The following TK2 variants were observed in gnomAD, a reference collection of about 807,000 sequenced individuals.
TK2 encodes the protein thymidine kinase 2, also known as thymidine kinase 2, mitochondrial.
TK2 carries 35 observed loss-of-function variants against 41.9 expected under a neutral mutation model. The ratio of observed to expected loss-of-function variants is 0.84; its 90% CI spans 0.64 to 1.11. The LOEUF is 1.11. TK2 is among the 50% of genes least tolerant of loss of function. The pLI is 0.00. For synonymous variants in TK2, 128 were observed against 129.1 expected, an observed-to-expected ratio of 0.99 and a Z score of 0.06; for missense variants, 320 against 351.1, an observed-to-expected ratio of 0.91 and a Z score of 0.71.
At chr16:66,527,076 T>C (rs1964955411) in intron 6 of TK2, among the ~76,000 whole-genome samples, 1 of 152,174 alleles carries the variant, frequency 6.6e-6, no homozygotes, top group South Asian at 2.1e-4. Flanking sequence ...GCTGAGGTGC[T>C]AAGGAGCAGG....
rs749090377 is a variant in TK2 at position 66,513,814 on chromosome 16, G to A, written c.619-3C>T. 4.3e-6 allele frequency: 7 copies of A among 1,613,744 alleles called. No individual in the cohort carries two copies. Among genetic ancestry groups the A allele is most frequent in the Non-Finnish European group, 5.9e-6 (7 of 1,179,954 alleles). ...TGGTGAATTGCTTCCAGGTATTCCT[G>A]CCAGGGAAACACAAGCAGTCTGTCG... On this transcript the variant is annotated splice_polypyrimidine_tract_variant and splice_region_variant and intron_variant, in intron 8 of 9. Transcript: ENST00000544898.
intron 1 of TK2, chr16:66,549,727 T>G (rs1421566039): frequency 7.8e-7 from 1 of 1,278,190 alleles, no homozygotes; most frequent in Non-Finnish European, 9.8e-7. Flanking sequence ...CCTCTCTCCA[T>G]CCCAGAACCA....
chr16:66,518,959 TA>T (rs1252575532), intron 6 of TK2, among the ~76,000 whole-genome samples: 6 of 151,972 alleles, frequency 3.9e-5, no homozygotes, highest in Non-Finnish European at 7.4e-5. Context: ...AGTTTTTATT[TA>T]TTTTTTTTTT....
At chr16:66,549,640 A>C in intron 1 of TK2, 1 of 1,183,974 alleles carries the variant, frequency 8.4e-7, no homozygotes, top group Non-Finnish European at 1.0e-6. Context: ...GGTCGAAAGA[A>C]TCGGGACAGG....
chr16:66,517,075 G>A lies in TK2; in HGVS notation c.618+61C>T. 10 of 1,466,922 alleles carry A rather than the reference G, an allele frequency of 6.8e-6. No homozygotes were observed. The South Asian group carries it at 1.1e-4, about 17-fold the overall frequency. The allele number at this position is 1,466,922 out of a possible 1,614,324, so 90.9% of individuals were successfully genotyped here. ...CATGGGGGTGGGGCCGGGAGAGGAAGCCGGGTTGGACAGAGGTGGTTTCCC... is the reference window on the plus strand; with the variant it reads ...CATGGGGGTGGGGCCGGGAGAGGAAACCGGGTTGGACAGAGGTGGTTTCCC... On this transcript the variant is annotated intron_variant, in intron 8 of 9. Coordinates refer to ENST00000544898, the MANE Select transcript of TK2 (RefSeq NM_004614.5). This position sits in a 1 kb window ranked among gnomAD's most constrained non-coding sequence, Gnocchi z 4.3.
At chr16:66,536,840 G>A (rs957555509) in intron 4 of TK2, 124 bp downstream of exon 4, 3 of 1,173,262 alleles carry the variant, frequency 2.6e-6, no homozygotes, top group Admixed American at 3.4e-5. Context: ...GTCCCTCCCT[G>A]GTCTTCTCCA....
At chr16:66,544,215 G>A (rs1447980978) in intron 2 of TK2, among the ~76,000 whole-genome samples, 3 of 152,158 alleles carry the variant, frequency 2.0e-5, no homozygotes, top group African/African-American at 4.8e-5. Context: ...GGCAACGCAG[G>A]AAGAATCTCA....
chr16:66,539,831 C>T (rs1330193714), intron 3 of TK2, among the ~76,000 whole-genome samples: 1 of 152,142 alleles, frequency 6.6e-6, no homozygotes, highest in African/African-American at 2.4e-5. Context: ...TTTTCATCAG[C>T]GCTCAGCCAT....
At chr16:66,546,690 T>G (rs1965618290) in intron 2 of TK2, 1 of 152,176 alleles carries the variant, frequency 6.6e-6, no homozygotes, top group Non-Finnish European at 1.5e-5. Flanking sequence ...ACATGGTTTT[T>G]AATGGCTTTA....
chr16:66,521,664 C>T (rs766511244), intron 6 of TK2, among the ~76,000 whole-genome samples: 2 of 152,188 alleles, frequency 1.3e-5, no homozygotes, highest in Non-Finnish European at 2.9e-5. Context: ...ACTGTATTTC[C>T]TCCTAGGAAC....
At chr16:66,521,823 G>A (rs1018471405) in intron 6 of TK2, among the ~76,000 whole-genome samples, 2 of 152,166 alleles carry the variant, frequency 1.3e-5, no homozygotes, top group Non-Finnish European at 2.9e-5. Flanking sequence ...ACTCAACAGT[G>A]GGCATGGGGG....
chr16:66,531,236 G>A (rs1016073923), intron 5 of TK2, 144 bp downstream of exon 5: 7 of 819,038 alleles, frequency 8.5e-6, no homozygotes, highest in South Asian at 2.9e-5. Context: ...ACAGAAGCCA[G>A]AGACCTTGGC....
chr16:66,548,732 C>A, intron 2 of TK2: 1 of 508,376 alleles, frequency 2.0e-6, no homozygotes. Context: ...GCTTTAACAG[C>A]CCAAATCTAC....
chr16:66,513,903 G>A, intron 8 of TK2, 92 bp from the exon 9 acceptor site: 2 of 1,109,908 alleles, frequency 1.8e-6, no homozygotes, highest in Admixed American at 1.9e-5. Flanking sequence ...AGTAGTCAAT[G>A]ACCATGGGCA....
At position 66,511,584 on chromosome 16, in the gene TK2, G is replaced by T; in HGVS notation, c.*384C>A. 1 of 348,738 alleles carries T rather than the reference G, an allele frequency of 2.9e-6. No individual in the cohort carries two copies. The highest frequency in any genetic ancestry group is 2.4e-5 in the South Asian group (1 of 42,438). The allele number at this position is 348,738 out of a possible 1,614,324, so 21.6% of individuals were successfully genotyped here. A position where few individuals can be genotyped will look rare whatever the true frequency, so the allele number is the denominator to read the frequency against. ...TCTGAGCTTCAAATTCCTCACCTGG[G>T]ATATAAGACTCCTACCTCGGCCTCC... On this transcript the variant is annotated 3_prime_UTR_variant, in exon 10 of 10. Transcript: ENST00000544898.
intron 8 of TK2, among the ~76,000 whole-genome samples, chr16:66,516,799 G>A (rs1052047143): frequency 1.3e-5 from 2 of 152,032 alleles, no homozygotes; most frequent in African/African-American, 4.8e-5. Flanking sequence ...AGGACACAGA[G>A]AGCACAAGGC....
chr16:66,531,475 G>A lies in TK2; in HGVS notation c.286-6C>T, dbSNP rs75874700. 1.9e-6 allele frequency: 3 copies of A among 1,614,074 alleles called. No individual in the cohort carries two copies. Among genetic ancestry groups the A allele is most frequent in the Non-Finnish European group, 1.7e-6 (2 of 1,179,954 alleles). On this transcript the variant is annotated splice_region_variant and splice_polypyrimidine_tract_variant and intron_variant, in intron 4 of 9. Transcript: ENST00000544898. ...GCATCGTGGTACATCAGGCCCTGCA[G>A]AAGGGAAAACACAGCACTTTCCATC... is the stretch of plus-strand genomic sequence containing the variant.
rs1965108242 is a variant in TK2 at position 66,531,414 on chromosome 16, T to A, written c.341A>T (p.Gln114Leu). 1 of 1,614,084 alleles carries A rather than the reference T, an allele frequency of 6.2e-7. No homozygotes were observed. The highest frequency in any genetic ancestry group is 1.3e-5 in the African/African-American group (1 of 74,928). ...RWGLTLQTYVQLTMLDRHTRP... is the reference protein window; with the variant it reads ...RWGLTLQTYVLLTMLDRHTRP... ...AGTATGCCTGTCCAGCATGGTGAGC[T>A]GCACATAAGTCTGTAGCGTAAGACC... Residue 114 changes from glutamine to leucine, a missense_variant, in exon 5 of 10, where the codon CAG (glutamine) becomes CTG (leucine). By Grantham distance (113) the Gln-to-Leu change is moderately radical. Transcript: ENST00000544898.
chr16:66,513,380 G>C (rs933415817), intron 9 of TK2, among the ~76,000 whole-genome samples: 2 of 152,174 alleles, frequency 1.3e-5, no homozygotes, highest in South Asian at 4.1e-4. Context: ...GTGAAATGAG[G>C]CTCTGTGTCA....
Sources: allele counts gnomAD v4.1 joint callset (sites outside exome capture counted in the v4.1 genomes callset), GRCh38; gene constraint gnomAD v4.1.1; non-coding constraint Gnocchi (gnomAD v3.1); transcripts MANE v1.5; gene names NCBI Gene and HGNC (gene_info 2026-07-23, HGNC 2026-07-21).